The following CMIP variants were observed in gnomAD, a reference collection of about 807,000 sequenced individuals.
The protein encoded by CMIP is c-Maf inducing protein, also known as C-Maf-inducing protein.
In CMIP, 13 loss-of-function variants were observed where a neutral mutation model predicts 97.3. The observed-to-expected ratio is 0.13, with a 90% CI of 0.09 to 0.21. The LOEUF (loss-of-function observed/expected upper bound fraction) is 0.21, where lower values mean the gene tolerates loss of function less well. Among genes scored for constraint, CMIP ranks in the 10% least tolerant of loss-of-function variants. The pLI is 1.00. For missense variants in CMIP, 847 were observed against 1,024.9 expected (o/e 0.83, Z 2.37); for synonymous variants, 538 against 436.3 (o/e 1.23, Z -2.91).
intron 1 of CMIP, among the ~76,000 whole-genome samples, chr16:81,587,319 A>T (rs964773913): frequency 1.3e-5 from 2 of 152,222 alleles, no homozygotes; most frequent in African/African-American, 4.8e-5. Context: ...ACCTCTGCTC[A>T]TTATATGATG....
chr16:81,676,085 C>T (rs377587808), intron 9 of CMIP, among the ~76,000 whole-genome samples: 3 of 152,170 alleles, frequency 2.0e-5, no homozygotes, highest in South Asian at 4.1e-4. Context: ...AGGGGGCAGG[C>T]GTGACCCTGG....
chr16:81,652,969 C>T lies in CMIP; in HGVS notation c.639+605C>T, dbSNP rs1055590885. The stretch of plus-strand genomic sequence containing the variant: ...TCAAGCAAAGACAAGCCCCCTACCC[C>T]CCTGGAGCTTGTGTCCCGGCAGGGG... On this transcript the variant is annotated intron_variant, in intron 4 of 20. Transcript: ENST00000537098. The surrounding 1 kb of genome is among the most constrained non-coding windows in gnomAD (Gnocchi z 5.2). Among the ~76,000 whole-genome samples the T allele has an allele frequency of 3.9e-5, 6 of 152,170 alleles. No homozygotes were observed. The highest frequency in any genetic ancestry group is 1.2e-4 in the African/African-American group (5 of 41,424).
In CMIP at chr16:81,652,295, G is replaced by T. The variant is rs540249716; in HGVS notation, c.570G>T (p.Leu190=). 3.7e-6 allele frequency: 6 copies of T among 1,613,924 alleles called. No individual in the cohort carries two copies. The highest frequency in any genetic ancestry group is 5.1e-6 in the Non-Finnish European group (6 of 1,179,806). ...TCCGGACCCTGGTGGACATGGCCCT[G>T]ACATCCCCCCTGCAGGATGACTCCA... ...KEIRTLVDMA[L]TSPLQDDSIN... The change falls in exon 4 of 21, where the codon CTG becomes CTT. Residue 190 remains leucine, a synonymous_variant. Transcript: ENST00000537098. This position sits in a 1 kb window ranked among gnomAD's most constrained non-coding sequence, Gnocchi z 5.2.
intron 2 of CMIP, among the ~76,000 whole-genome samples, chr16:81,608,776 A>G (rs1443831978): frequency 6.6e-6 from 1 of 152,222 alleles, no homozygotes; most frequent in Non-Finnish European, 1.5e-5. Flanking sequence ...AGGAACCCCG[A>G]GTCTGAAACC....
chr16:81,590,898 T>C (rs2091457740), intron 1 of CMIP, among the ~76,000 whole-genome samples: 1 of 152,208 alleles, frequency 6.6e-6, no homozygotes, highest in Admixed American at 6.5e-5. Flanking sequence ...TTGAATGGTT[T>C]AGATCAGGGT....
chr16:81,645,890 C>T, intron 3 of CMIP: 1 of 483,530 alleles, frequency 2.1e-6, no homozygotes, highest in East Asian at 3.6e-5. Flanking sequence ...TTATTCTTAT[C>T]CTGATTTGCA....
chr16:81,561,885 ACTT>A (rs906522180), intron 1 of CMIP, among the ~76,000 whole-genome samples: 3 of 152,150 alleles, frequency 2.0e-5, no homozygotes, highest in Non-Finnish European at 2.9e-5. Flanking sequence ...ACCATCCCAG[ACTT>A]CTTCTTGGAT....
chr16:81,533,338 C>T (rs1201334161), intron 1 of CMIP, among the ~76,000 whole-genome samples: 1 of 152,182 alleles, frequency 6.6e-6, no homozygotes, highest in East Asian at 1.9e-4. Flanking sequence ...AATCATCAGT[C>T]AGTCAAACTT....
At chr16:81,551,916 A>G (rs886548173) in intron 1 of CMIP, among the ~76,000 whole-genome samples, 1 of 152,180 alleles carries the variant, frequency 6.6e-6, no homozygotes, top group Non-Finnish European at 1.5e-5. Flanking sequence ...CAGGGACTTG[A>G]AACAACTTTG....
intron 7 of CMIP, among the ~76,000 whole-genome samples, 166 bp from the exon 8 acceptor site, chr16:81,669,976 G>A (rs1346417096): frequency 6.6e-6 from 1 of 152,222 alleles, no homozygotes; most frequent in East Asian, 1.9e-4. Flanking sequence ...ATTCTTTGAA[G>A]TAGACGCCAC....
intron 3 of CMIP, among the ~76,000 whole-genome samples, chr16:81,637,101 G>T (rs1319197395): frequency 1.3e-5 from 2 of 152,014 alleles, no homozygotes; most frequent in East Asian, 3.9e-4. Flanking sequence ...ACAGAGTTTC[G>T]CTCTTGTTGC....
intron 1 of CMIP, among the ~76,000 whole-genome samples, chr16:81,554,317 C>G (rs937031123): frequency 1.3e-5 from 2 of 152,202 alleles, no homozygotes; most frequent in African/African-American, 4.8e-5. Context: ...TCTATCTGAG[C>G]TCATTTAATG....
chr16:81,710,062 G>C lies in CMIP; in HGVS notation c.*263G>C, dbSNP rs980759027. The stretch of plus-strand genomic sequence containing the variant: ...TTGTAGCAACAAGAGGAGCATCAGC[G>C]GGTCGGGGAGGGGTTTGGGGGTGGG... On this transcript the variant is annotated 3_prime_UTR_variant, in exon 21 of 21. Coordinates refer to ENST00000537098, the MANE Select transcript of CMIP (RefSeq NM_198390.3). 1.3e-5 allele frequency: 5 copies of C among 373,118 alleles called. No individual in the cohort carries two copies. The highest frequency in any genetic ancestry group is 8.3e-5 in the African/African-American group (4 of 47,942). The allele number at this position is 373,118 out of a possible 1,614,324, so 23.1% of individuals were successfully genotyped here.
chr16:81,479,110 G>C (rs1003178497), intron 1 of CMIP, among the ~76,000 whole-genome samples: 1 of 152,186 alleles, frequency 6.6e-6, no homozygotes, highest in Non-Finnish European at 1.5e-5. Context: ...TTCCTGGGGG[G>C]AGGGGGAAGG....
chr16:81,645,575 A>T (rs1252577086), intron 3 of CMIP: 2 of 1,536,056 alleles, frequency 1.3e-6, no homozygotes, highest in African/African-American at 2.7e-5. Context: ...GACAGTTGCC[A>T]GAGCGATGGC....
intron 3 of CMIP, chr16:81,631,909 T>G (rs1045672773): frequency 6.6e-6 from 1 of 152,220 alleles, no homozygotes; most frequent in African/African-American, 2.4e-5. Flanking sequence ...ACCAGCAGTG[T>G]GCAAGAGCCC....
rs75340887 is a variant in CMIP, at chr16:81,491,742, C to T, written c.300+46201C>T. On this transcript the variant is annotated intron_variant, in intron 1 of 20. Coordinates refer to ENST00000537098, the MANE Select transcript of CMIP (RefSeq NM_198390.3). ...TTTGGCACCCTTCCCTGTCTGAACTCGGGAGCTGGATGGATTTGGCTACTG... is the reference window on the plus strand; with the variant it reads ...TTTGGCACCCTTCCCTGTCTGAACTTGGGAGCTGGATGGATTTGGCTACTG... Among the ~76,000 whole-genome samples, 817 of 152,272 alleles carry T rather than the reference C, an allele frequency of 5.4e-3. 7 individuals carry two copies. The highest frequency in any genetic ancestry group is 0.019 in the African/African-American group (773 of 41,556).
chr16:81,568,630 C>G (rs2091027472), intron 1 of CMIP, among the ~76,000 whole-genome samples: 1 of 152,208 alleles, frequency 6.6e-6, no homozygotes, highest in South Asian at 2.1e-4. Flanking sequence ...ACATTTGTTT[C>G]TCGCTTTCAA....
intron 1 of CMIP, among the ~76,000 whole-genome samples, chr16:81,510,233 C>T (rs911946521): frequency 2.8e-4 from 42 of 152,258 alleles, no homozygotes; most frequent in African/African-American, 9.6e-4. Flanking sequence ...GCTCGCTCCT[C>T]ACAGCTGCCC....
Sources: gnomAD v4.1 joint callset for allele counts (sites outside exome capture counted in the v4.1 genomes callset) on GRCh38, gnomAD v4.1.1 for gene constraint, Gnocchi (gnomAD v3.1) non-coding constraint, MANE v1.5 for transcripts, NCBI Gene and HGNC (gene_info 2026-07-23, HGNC 2026-07-21) for gene names.